Variants in OSBP2 observed in about 807,000 individuals in gnomAD.
OSBP2 encodes the protein oxysterol-binding protein 2.
A neutral mutation model predicts 96.0 loss-of-function variants in OSBP2; 66 were observed. That is an observed-to-expected ratio of 0.69 (90% CI 0.56 to 0.84). The LOEUF (loss-of-function observed/expected upper bound fraction) is 0.84. Ranked by LOEUF, OSBP2 falls within the 40% of genes least tolerant of loss-of-function variation. The pLI is 0.00. For synonymous variants in OSBP2, 525 were observed against 520.9 expected (o/e 1.01, Z -0.11); for missense variants, 1,038 against 1,222.7 (o/e 0.85, Z 2.25).
chr22:30,891,012 C>T (rs370891574), intron 8 of OSBP2, 39 bp downstream of exon 8: 3 of 1,583,124 alleles, frequency 1.9e-6, no homozygotes, highest in Non-Finnish European at 2.6e-6. Flanking sequence ...CGCCCACCCA[C>T]ACTCTGGCCA....
chr22:30,891,098 C>A lies in OSBP2; in HGVS notation c.1869+125C>A. The A allele has an allele frequency of 3.3e-6, 4 of 1,219,532 alleles. No homozygotes were observed. In the South Asian group the frequency reaches 4.4e-5, roughly 13 times the overall value. The allele number at this position is 1,219,532 out of a possible 1,614,324, so 75.5% of individuals were successfully genotyped here. A position where few individuals can be genotyped will look rare whatever the true frequency, so the allele number is the denominator to read the frequency against. Reference sequence around the variant, plus strand: ...ACCCTGACTGCCCATACCCAAGGGGCCATCAAGCTGAGGTCCAGCCAGGGA... The same window carrying A: ...ACCCTGACTGCCCATACCCAAGGGGACATCAAGCTGAGGTCCAGCCAGGGA... On this transcript the variant is annotated intron_variant, in intron 8 of 13. Transcript: ENST00000332585.
At position 30,700,463 on chromosome 22, in the gene OSBP2, C is replaced by T. The variant is rs542449086; in HGVS notation, c.644+4910C>T. 2.8e-4 allele frequency among the ~76,000 whole-genome samples: 42 copies of T among 151,936 alleles called. No homozygotes were observed. The South Asian group carries it at 8.5e-3, about 31-fold the overall frequency. On this transcript the variant is annotated intron_variant, in intron 1 of 13. Transcript: ENST00000332585. ...GATTCCATAAAATTAGAGAATAATT[C>T]CTAAATGATACAGAATTTTCAAATG...
At chr22:30,769,648 C>T (rs1262577423) in intron 2 of OSBP2, among the ~76,000 whole-genome samples, 1 of 151,628 alleles carries the variant, frequency 6.6e-6, no homozygotes, top group East Asian at 1.9e-4. Flanking sequence ...GACTCCATCT[C>T]AAAAACAAAA....
intron 2 of OSBP2, among the ~76,000 whole-genome samples, chr22:30,847,805 G>A (rs983280459): frequency 5.9e-5 from 9 of 152,094 alleles, no homozygotes; most frequent in Non-Finnish European, 1.0e-4. Context: ...TTCTTTGTCT[G>A]TGAGATCTGT....
intron 1 of OSBP2, among the ~76,000 whole-genome samples, chr22:30,717,090 T>TTTTTTTTTGTGTGTG (rs71328866): frequency 8.5e-6 from 1 of 118,320 alleles, no homozygotes; most frequent in African/African-American, 3.2e-5. Flanking sequence ...TTTACTGTTT[T>TTTTTTTTTGTGTGTG]TGTGTGTGTG....
At chr22:30,699,629 C>T (rs980832426) in intron 1 of OSBP2, among the ~76,000 whole-genome samples, 12 of 152,128 alleles carry the variant, frequency 7.9e-5, no homozygotes, top group African/African-American at 2.7e-4. Flanking sequence ...GTAGTCCTGA[C>T]CTGCATTTCA....
intron 13 of OSBP2, 42 bp downstream of exon 13, chr22:30,906,111 G>T (rs769194509): frequency 6.2e-7 from 1 of 1,603,476 alleles, no homozygotes; most frequent in Admixed American, 1.7e-5. Flanking sequence ...GGAGGAAAGG[G>T]GTGCCCGGGT....
chr22:30,715,478 G>C (rs901208365), intron 1 of OSBP2, among the ~76,000 whole-genome samples: 6 of 151,322 alleles, frequency 4.0e-5, no homozygotes, highest in Non-Finnish European at 7.4e-5. Context: ...TGGGGCTCAA[G>C]TGATCCTCCC....
intron 2 of OSBP2, among the ~76,000 whole-genome samples, chr22:30,777,505 T>C (rs1440275560): frequency 6.6e-6 from 1 of 152,184 alleles, no homozygotes; most frequent in Non-Finnish European, 1.5e-5. Flanking sequence ...TGTAAGTCCA[T>C]TGAACCTCTT....
Position 30,836,729 on chromosome 22 carries a change from A to G in OSBP2, c.854-33700A>G, listed in dbSNP as rs559720757. On this transcript the variant is annotated intron_variant, in intron 2 of 13. Coordinates refer to ENST00000332585, the MANE Select transcript of OSBP2 (RefSeq NM_030758.4). Reference sequence around the variant, plus strand: ...GGGATGCAGCAGGGCAGGTAGCCCCAGGGTCAGCAGACACAGCAGGCAATT... The same window carrying G: ...GGGATGCAGCAGGGCAGGTAGCCCCGGGGTCAGCAGACACAGCAGGCAATT... Among the ~76,000 whole-genome samples, 8 of 152,310 alleles carry G rather than the reference A, an allele frequency of 5.3e-5. 1 individual carries two copies. The South Asian group carries it at 1.7e-3, about 32-fold the overall frequency.
intron 2 of OSBP2, among the ~76,000 whole-genome samples, chr22:30,802,654 T>C (rs2090867081): frequency 6.6e-6 from 1 of 152,226 alleles, no homozygotes. Context: ...TCTAGCCCTC[T>C]GGGCGAGAGA....
chr22:30,694,873 C>G (rs1164296329), upstream of OSBP2: 10 of 1,040,288 alleles, frequency 9.6e-6, no homozygotes, highest in East Asian at 2.4e-4. Context: ...CCCCCGCCCC[C>G]ACTGGCCGCT....
In OSBP2 at chr22:30,890,961, C is replaced by T. The variant is rs1444186723; in HGVS notation, c.1857C>T (p.Ser619=). The T allele has an allele frequency of 1.9e-6, 3 of 1,608,020 alleles. No homozygotes were observed. The South Asian group carries it at 3.3e-5, about 18-fold the overall frequency. ...GCCTCGACGACATGGGCCTGCGCTC[C>T]CTCTGTGAGCAGGTGAGGGGGCTAG... ...LDRLDDMGLR[S]LCEQVSHHPP... The change falls in exon 8 of 14, where the codon TCC becomes TCT. Residue 619 remains serine, a synonymous_variant. Transcript: ENST00000332585. This position sits in a 1 kb window ranked among gnomAD's most constrained non-coding sequence, Gnocchi z 4.4.
chr22:30,771,087 G>A (rs772557092), intron 2 of OSBP2, among the ~76,000 whole-genome samples: 21 of 152,216 alleles, frequency 1.4e-4, no homozygotes, highest in African/African-American at 4.6e-4. Flanking sequence ...TCCTGTCCCC[G>A]TTGCTGGCTC....
At chr22:30,892,861 G>A in intron 8 of OSBP2, among the ~76,000 whole-genome samples, 1 of 152,148 alleles carries the variant, frequency 6.6e-6, no homozygotes, top group Non-Finnish European at 1.5e-5. Flanking sequence ...TGAGCATGAG[G>A]TCCACCATCA....
chr22:30,752,288 CTTTTTTTTTTTTTTTTT>C (rs10691256), intron 2 of OSBP2, among the ~76,000 whole-genome samples: 5 of 48,656 alleles, frequency 1.0e-4, no homozygotes, highest in Non-Finnish European at 1.9e-4. Flanking sequence ...CTTTGCTTTG[CTTTTTTTTTTTTTTTTT>C]TTTTTTTTTT....
At chr22:30,876,058 G>T (rs1357060391) in intron 3 of OSBP2, among the ~76,000 whole-genome samples, 1 of 152,272 alleles carries the variant, frequency 6.6e-6, no homozygotes, top group Admixed American at 6.5e-5. Flanking sequence ...CGGAGAGGCA[G>T]ATTCCTGTCC....
At chr22:30,714,465 T>A (rs1245580691) in intron 1 of OSBP2, among the ~76,000 whole-genome samples, 2 of 152,144 alleles carry the variant, frequency 1.3e-5, no homozygotes, top group Non-Finnish European at 2.9e-5. Flanking sequence ...ATCTTAACTA[T>A]TTTTAAGTGT....
chr22:30,730,805 TA>T (rs136364), intron 1 of OSBP2, among the ~76,000 whole-genome samples: 3,305 of 46,216 alleles, frequency 0.072, 406 homozygotes, highest in South Asian at 0.13. Context: ...TATATATATA[TA>T]TAATTTTTTT....
Sources: gnomAD v4.1 joint callset for allele counts (sites outside exome capture counted in the v4.1 genomes callset) on GRCh38, gnomAD v4.1.1 for gene constraint, Gnocchi (gnomAD v3.1) non-coding constraint, MANE v1.5 for transcripts, NCBI Gene and HGNC (gene_info 2026-07-23, HGNC 2026-07-21) for gene names.